The following SDCCAG8 variants were observed in gnomAD, a reference collection of about 807,000 sequenced individuals.
SDCCAG8 encodes the protein serologically defined colon cancer antigen 8.
SDCCAG8 carries 74 observed loss-of-function variants against 101.8 expected under a neutral mutation model. The ratio of observed to expected loss-of-function variants is 0.73; its 90% CI spans 0.60 to 0.88. The LOEUF (loss-of-function observed/expected upper bound fraction) is 0.88, where lower values mean the gene tolerates loss of function less well. Ranked by LOEUF, SDCCAG8 falls within the 40% of genes least tolerant of loss-of-function variation. The pLI, the probability that SDCCAG8 is intolerant of heterozygous loss-of-function variation, is 0.00. For missense variants in SDCCAG8, 787 were observed against 822.6 expected (o/e 0.96, Z 0.53); for synonymous variants, 281 against 292.9 (o/e 0.96, Z 0.41).
At chr1:243,399,897 T>A (rs1196947278) in intron 13 of SDCCAG8, among the ~76,000 whole-genome samples, 4 of 152,156 alleles carry the variant, frequency 2.6e-5, no homozygotes, top group Non-Finnish European at 4.4e-5. Flanking sequence ...ATTCACTTAA[T>A]CCCCACATAA....
intron 1 of SDCCAG8, among the ~76,000 whole-genome samples, chr1:243,258,044 A>G (rs1017388599): frequency 6.6e-6 from 1 of 152,346 alleles, no homozygotes; most frequent in South Asian, 2.1e-4. Flanking sequence ...ACTGCTTTCA[A>G]TAATTACAGA....
intron 16 of SDCCAG8, among the ~76,000 whole-genome samples, chr1:243,470,018 A>G (rs944551104): frequency 2.6e-5 from 4 of 151,978 alleles, no homozygotes; most frequent in East Asian, 1.9e-4. Context: ...AAGTATAGCA[A>G]CAGTAGAATA....
intron 2 of SDCCAG8, 86 bp downstream of exon 2, chr1:243,270,343 T>C: frequency 8.3e-7 from 1 of 1,206,772 alleles, no homozygotes; most frequent in Non-Finnish European, 1.2e-6. Flanking sequence ...CATTCTTCAT[T>C]CTGCTGCTAT....
At chr1:243,278,257 G>C (rs1280154824) in intron 4 of SDCCAG8, among the ~76,000 whole-genome samples, 2 of 152,170 alleles carry the variant, frequency 1.3e-5, no homozygotes, top group Admixed American at 1.3e-4. Context: ...GTCTCGCTCT[G>C]TCACCCAGGC....
chr1:243,481,916 G>T (rs779991268), intron 16 of SDCCAG8, among the ~76,000 whole-genome samples: 1 of 152,228 alleles, frequency 6.6e-6, no homozygotes, highest in African/African-American at 2.4e-5. Context: ...AAGGATATAG[G>T]CCCCCTCTGG....
At chr1:243,480,565 G>T (rs1312303062) in intron 16 of SDCCAG8, among the ~76,000 whole-genome samples, 1 of 92,338 alleles carries the variant, frequency 1.1e-5, no homozygotes, top group Non-Finnish European at 2.2e-5. Flanking sequence ...GGATAGGTGG[G>T]ATGGATGGGT....
chr1:243,284,976 A>G (rs1476159782), intron 4 of SDCCAG8, among the ~76,000 whole-genome samples: 26 of 151,732 alleles, frequency 1.7e-4, no homozygotes. Flanking sequence ...TTGGCCTCCC[A>G]GGTTCAAGCC....
intron 12 of SDCCAG8, among the ~76,000 whole-genome samples, chr1:243,349,836 T>C (rs545401769): frequency 1.3e-3 from 204 of 152,254 alleles, no homozygotes; most frequent in Non-Finnish European, 1.2e-3. Context: ...GTCTTTCTTT[T>C]TTTTTTTTTA....
rs1281722086 is a variant in SDCCAG8, at chr1:243,330,711, G to A, written c.1221+19G>A. ...ATCAAAGGTACTTAAGGACTCTGCT[G>A]TTATCCACATTGCAGAAGAAAGGTT... On this transcript the variant is annotated intron_variant, in intron 10 of 17. Coordinates refer to ENST00000366541, the MANE Select transcript of SDCCAG8 (RefSeq NM_006642.5). The A allele has an allele frequency of 2.5e-6, 4 of 1,613,506 alleles. No homozygotes were observed. The highest frequency in any genetic ancestry group is 3.4e-6 in the Non-Finnish European group (4 of 1,179,566).
intron 12 of SDCCAG8, among the ~76,000 whole-genome samples, chr1:243,375,418 A>G (rs1035570236): frequency 3.3e-5 from 5 of 152,134 alleles, no homozygotes; most frequent in Admixed American, 3.3e-4. Flanking sequence ...AAGTTAACAT[A>G]TGCCCATGAT....
chr1:243,297,001 T>C (rs1341151972), intron 6 of SDCCAG8, among the ~76,000 whole-genome samples: 15 of 152,134 alleles, frequency 9.9e-5, no homozygotes, highest in Non-Finnish European at 8.8e-5. Context: ...AAAACAAAAA[T>C]TTACAGCTCA....
intron 16 of SDCCAG8, among the ~76,000 whole-genome samples, chr1:243,459,143 T>G (rs1376106188): frequency 1.3e-5 from 2 of 152,234 alleles, no homozygotes; most frequent in Non-Finnish European, 2.9e-5. Context: ...TAGTCCCTAG[T>G]TATTGACAAT....
intron 10 of SDCCAG8, among the ~76,000 whole-genome samples, chr1:243,331,772 C>T (rs1160350491): frequency 6.6e-6 from 1 of 152,146 alleles, no homozygotes; most frequent in Non-Finnish European, 1.5e-5. Context: ...CTTTTGCCTT[C>T]CTCTCTCTTA....
Position 243,418,085 on chromosome 1 carries a change from T to A in SDCCAG8, c.1853+9T>A. The A allele has an allele frequency of 1.3e-6, 2 of 1,562,178 alleles. No individual in the cohort carries two copies. Among genetic ancestry groups the A allele is most frequent in the East Asian group, 4.5e-5 (2 of 44,550 alleles). On this transcript the variant is annotated intron_variant, in intron 15 of 17. Coordinates refer to ENST00000366541, the MANE Select transcript of SDCCAG8 (RefSeq NM_006642.5). ...ATCTCTCAAAAAACCAGGTAGGTGA[T>A]GTTATAGAATACTTTCAAGAGCACT...
chr1:243,375,737 C>T (rs562841194), intron 12 of SDCCAG8, among the ~76,000 whole-genome samples: 4 of 152,186 alleles, frequency 2.6e-5, no homozygotes, highest in Non-Finnish European at 4.4e-5. Flanking sequence ...TCTTTCATCC[C>T]CAAGCTACTA....
chr1:243,448,425 C>T (rs1030244030), intron 16 of SDCCAG8, among the ~76,000 whole-genome samples: 1 of 152,166 alleles, frequency 6.6e-6, no homozygotes, highest in Non-Finnish European at 1.5e-5. Flanking sequence ...AGTTCTTTCA[C>T]TCTACATACA....
intron 17 of SDCCAG8, 42 bp from the exon 18 acceptor site, chr1:243,499,714 G>A (rs1553386986): frequency 1.4e-6 from 2 of 1,476,182 alleles, no homozygotes; most frequent in South Asian, 2.3e-5. Flanking sequence ...TAACATTGAA[G>A]AACATGAGCT....
chr1:243,266,334 T>A (rs899882232), intron 1 of SDCCAG8, among the ~76,000 whole-genome samples: 4 of 151,700 alleles, frequency 2.6e-5, no homozygotes, highest in African/African-American at 7.3e-5. Flanking sequence ...TTTTTTTTTT[T>A]ATGAGACAGT....
intron 16 of SDCCAG8, among the ~76,000 whole-genome samples, chr1:243,438,576 C>T (rs1464037440): frequency 6.6e-6 from 1 of 151,912 alleles, no homozygotes; most frequent in African/African-American, 2.4e-5. Flanking sequence ...ACCTGCCTAC[C>T]TCCTAGTAGG....
Sources: gnomAD v4.1 joint callset for allele counts (sites outside exome capture counted in the v4.1 genomes callset) on GRCh38, gnomAD v4.1.1 for gene constraint, MANE v1.5 for transcripts, NCBI Gene and HGNC (gene_info 2026-07-23, HGNC 2026-07-21) for gene names.